The following ATRNL1 variants were observed in gnomAD, a reference collection of about 807,000 sequenced individuals.
ATRNL1 encodes the protein attractin-like protein 1.
ATRNL1 carries 95 observed loss-of-function variants against 182.7 expected under a neutral mutation model. That is an observed-to-expected ratio of 0.52 (90% confidence interval 0.44 to 0.62). The LOEUF is 0.62. Ranked by LOEUF, ATRNL1 falls within the 20% of genes least tolerant of loss-of-function variation. The probability of loss-of-function intolerance (pLI) is 0.00; values close to 1 mark genes in which losing one functional copy is unlikely to be tolerated. For synonymous variants in ATRNL1, 576 were observed against 568.3 expected, an observed-to-expected ratio of 1.01 and a Z score of -0.19; for missense variants, 1,471 against 1,679.5, an observed-to-expected ratio of 0.88 and a Z score of 2.17.
chr10:115,568,744 T>G, intron 26 of ATRNL1, among the ~76,000 whole-genome samples: 3 of 152,040 alleles, frequency 2.0e-5, no homozygotes, highest in Middle Eastern at 6.8e-3. Flanking sequence ...AAGTAATATA[T>G]TAACATAATT....
chr10:115,663,421 A>G (rs910885537), intron 26 of ATRNL1, among the ~76,000 whole-genome samples: 1 of 152,086 alleles, frequency 6.6e-6, no homozygotes, highest in Non-Finnish European at 1.5e-5. Flanking sequence ...TATATATCTT[A>G]AATGCATTAA....
At chr10:115,537,592 T>C (rs1402754741) in intron 25 of ATRNL1, among the ~76,000 whole-genome samples, 5 of 152,352 alleles carry the variant, frequency 3.3e-5, no homozygotes, top group African/African-American at 1.2e-4. Context: ...ACATTTATAA[T>C]TCAAAGTATG....
At chr10:115,283,371 G>A (rs1056166868) in intron 14 of ATRNL1, among the ~76,000 whole-genome samples, 3 of 152,074 alleles carry the variant, frequency 2.0e-5, no homozygotes, top group Non-Finnish European at 4.4e-5. Context: ...CAGAGATCAC[G>A]CCATTGCACC....
At chr10:115,193,689 A>G (rs568333155) in intron 8 of ATRNL1, among the ~76,000 whole-genome samples, 44 of 150,746 alleles carry the variant, frequency 2.9e-4, no homozygotes, top group African/African-American at 9.7e-4. Flanking sequence ...TGTATTTTTT[A>G]TTATTGATTT....
chr10:115,838,865 C>G (rs554405980), intron 27 of ATRNL1, among the ~76,000 whole-genome samples: 2 of 152,070 alleles, frequency 1.3e-5, no homozygotes, highest in Non-Finnish European at 2.9e-5. Flanking sequence ...TGGGAAAACT[C>G]TGTAATCCAG....
intron 28 of ATRNL1, among the ~76,000 whole-genome samples, chr10:115,904,180 C>T (rs1364269749): frequency 6.6e-6 from 1 of 152,168 alleles, no homozygotes; most frequent in Admixed American, 6.5e-5. Context: ...AGTTTCACAT[C>T]AGGCAGGAAT....
intron 26 of ATRNL1, among the ~76,000 whole-genome samples, chr10:115,557,332 T>TGAGC (rs1391200952): frequency 6.6e-6 from 1 of 152,118 alleles, no homozygotes; most frequent in Non-Finnish European, 1.5e-5. Flanking sequence ...TTTGAAACCC[T>TGAGC]GAGCCTAGAT....
At chr10:115,344,479 G>A (rs1855890333) in intron 19 of ATRNL1, among the ~76,000 whole-genome samples, 1 of 152,034 alleles carries the variant, frequency 6.6e-6, no homozygotes, top group Non-Finnish European at 1.5e-5. Context: ...GGGCTCTTAA[G>A]TAAGCTTATG....
chr10:115,535,593 C>T lies in ATRNL1; in HGVS notation c.3717-13865C>T, dbSNP rs918339818. Among the ~76,000 whole-genome samples the T allele has an allele frequency of 1.7e-4, 26 of 152,246 alleles. 1 individual carries two copies. The highest frequency in any genetic ancestry group is 6.3e-4 in the African/African-American group (26 of 41,532). ...TCGGAGCAGTTTGATTGTCTGAAGC[C>T]TTCTTCTCTCAACTCATCAGAGTCA... On this transcript the variant is annotated intron_variant, in intron 25 of 28. Transcript: ENST00000355044.
At chr10:115,314,152 A>G (rs1776193187) in intron 17 of ATRNL1, among the ~76,000 whole-genome samples, 1 of 152,152 alleles carries the variant, frequency 6.6e-6, no homozygotes, top group Non-Finnish European at 1.5e-5. Context: ...AACATTAGCC[A>G]CTTTTATTTA....
Position 115,424,662 on chromosome 10 carries a change from G to A in ATRNL1, c.3270-1588G>A, listed in dbSNP as rs1845801956. Among the ~76,000 whole-genome samples, 3 of 152,180 alleles carry A rather than the reference G, an allele frequency of 2.0e-5. No homozygotes were observed. In the South Asian group the frequency reaches 6.2e-4, roughly 32 times the overall value. ...GAACCTAGAGGACATTATATTATGT[G>A]AAATAAGCACAGAAGAAAAATACTG... On this transcript the variant is annotated intron_variant, in intron 20 of 28. Transcript: ENST00000355044.
At chr10:115,570,566 T>C (rs904485331) in intron 26 of ATRNL1, among the ~76,000 whole-genome samples, 4 of 152,214 alleles carry the variant, frequency 2.6e-5, no homozygotes, top group Non-Finnish European at 5.9e-5. Context: ...TTACATTTTG[T>C]GTATACTATT....
chr10:115,252,326 G>A (rs1850919086), intron 10 of ATRNL1, among the ~76,000 whole-genome samples: 2 of 151,978 alleles, frequency 1.3e-5, no homozygotes, highest in African/African-American at 2.4e-5. Context: ...CGTGACCAGC[G>A]AAGGTCTTAT....
rs374377213 is a variant in ATRNL1 at position 115,640,003 on chromosome 10, A to G, written c.3796-87245A>G. Among the ~76,000 whole-genome samples the G allele has an allele frequency of 7.2e-5, 11 of 151,964 alleles. 1 individual carries two copies. Among genetic ancestry groups the G allele is most frequent in the African/African-American group, 2.2e-4 (9 of 41,472 alleles). On this transcript the variant is annotated intron_variant, in intron 26 of 28. Transcript: ENST00000355044. ...TACACCCCGACCTGCCCAGTGTGTG[A>G]TGTGTTCTTATTCAACTCGAACATC... is the stretch of plus-strand genomic sequence containing the variant.
At chr10:115,198,406 A>T (rs1476153589) in intron 8 of ATRNL1, among the ~76,000 whole-genome samples, 3 of 152,000 alleles carry the variant, frequency 2.0e-5, no homozygotes, top group Admixed American at 2.0e-4. Flanking sequence ...ATATATTTTC[A>T]TATTAACCCT....
At chr10:115,205,253 T>C (rs1848752667) in intron 8 of ATRNL1, among the ~76,000 whole-genome samples, 1 of 152,070 alleles carries the variant, frequency 6.6e-6, no homozygotes, top group South Asian at 2.1e-4. Context: ...TCATACATTT[T>C]AGTCTCTTTG....
chr10:115,622,073 A>G (rs901354885), intron 26 of ATRNL1, among the ~76,000 whole-genome samples: 1 of 152,126 alleles, frequency 6.6e-6, no homozygotes, highest in Non-Finnish European at 1.5e-5. Flanking sequence ...GCTTTTTTCC[A>G]AAGGTAATCT....
rs1411553022 is a variant in ATRNL1, at chr10:115,588,687, C to T, written c.3795+39151C>T. Among the ~76,000 whole-genome samples the T allele has an allele frequency of 3.9e-5, 6 of 152,228 alleles. 1 individual carries two copies. The East Asian group carries it at 1.2e-3, about 29-fold the overall frequency. ...GTAGGGTTTGTGTGTGAGTGTGTCC[C>T]AGATTTTCCTACCCGTGTTGGTGTG... On this transcript the variant is annotated intron_variant, in intron 26 of 28. Transcript: ENST00000355044.
intron 19 of ATRNL1, among the ~76,000 whole-genome samples, chr10:115,381,730 A>G (rs1478854002): frequency 6.6e-6 from 1 of 151,862 alleles, no homozygotes; most frequent in Admixed American, 6.6e-5. Context: ...TCCAATTTAT[A>G]TTTTTGTTTT....
Sources: allele counts gnomAD v4.1 joint callset (sites outside exome capture counted in the v4.1 genomes callset), GRCh38; gene constraint gnomAD v4.1.1; transcripts MANE v1.5; gene names NCBI Gene and HGNC (gene_info 2026-07-23, HGNC 2026-07-21).